The following SEMA5B variants were observed in gnomAD, a reference collection of about 807,000 sequenced individuals.
SEMA5B encodes semaphorin 5B.
Under a neutral mutation model 135.0 loss-of-function variants are expected in SEMA5B, and 66 were observed. The observed-to-expected ratio is 0.49, with a 90% CI of 0.40 to 0.60. The LOEUF (loss-of-function observed/expected upper bound fraction) is 0.60, where lower values mean the gene tolerates loss of function less well. Among genes scored for constraint, SEMA5B ranks in the 20% least tolerant of loss-of-function variants. The pLI is 0.00. For missense variants in SEMA5B, 1,501 were observed against 1,566.3 expected (o/e 0.96, Z 0.70); for synonymous variants, 690 against 639.5 (o/e 1.08, Z -1.19).
chr3:122,950,612 C>T (rs1476664411), intron 2 of SEMA5B, among the ~76,000 whole-genome samples: 1 of 152,176 alleles, frequency 6.6e-6, no homozygotes, highest in African/African-American at 2.4e-5. Context: ...TTGTATGTTG[C>T]ATGTTTTATT....
chr3:122,939,550 T>C (rs1416510500), intron 4 of SEMA5B, 80 bp from the exon 5 acceptor site: 1 of 1,098,040 alleles, frequency 9.1e-7, no homozygotes, highest in Admixed American at 1.7e-5. Context: ...GGCTTGGGCC[T>C]CCTGGGACGC....
At chr3:122,961,869 C>T (rs1482146937) in intron 1 of SEMA5B, among the ~76,000 whole-genome samples, 1 of 152,174 alleles carries the variant, frequency 6.6e-6, no homozygotes, top group African/African-American at 2.4e-5. Context: ...AGCAGGACTG[C>T]ATTCCTCAAT....
chr3:122,953,399 G>A (rs367586826), intron 2 of SEMA5B, among the ~76,000 whole-genome samples: 1 of 152,120 alleles, frequency 6.6e-6, no homozygotes, highest in Non-Finnish European at 1.5e-5. Context: ...CAGGCCTTAA[G>A]GTACCTAAGT....
chr3:122,939,570 G>T (rs3732827), intron 4 of SEMA5B, 100 bp from the exon 5 acceptor site: 110,113 of 855,844 alleles, frequency 0.13, 9,476 homozygotes, highest in East Asian at 0.38. Context: ...CCAGGACTGG[G>T]TGCTGATTGC....
chr3:122,923,817 CCACAGCCAGCTGT>C, intron 9 of SEMA5B, 65 bp from the exon 10 acceptor site: 1 of 1,580,390 alleles, frequency 6.3e-7, no homozygotes, highest in Non-Finnish European at 8.7e-7. Context: ...CTCATAAACC[CCACAGCCAGCTGT>C]CATGTCCAAT....
chr3:122,980,665 AT>A (rs1336198427), intron 1 of SEMA5B, among the ~76,000 whole-genome samples: 3 of 152,340 alleles, frequency 2.0e-5, no homozygotes. Flanking sequence ...TGAAGTATCC[AT>A]AACACAAAAT....
rs200086315 is a variant in SEMA5B at position 122,948,539 on chromosome 3, C to T, written c.295G>A (p.Ala99Thr). ...GCCACGGTGGGGTGCTTGCTAAGGGCGCACAGCTGCTGCTCACTGCTGGGC... is the reference window on the plus strand; with the variant it reads ...GCCACGGTGGGGTGCTTGCTAAGGGTGCACAGCTGCTGCTCACTGCTGGGC... ...SEPSSEQQLCALSKHPTVAFE... is the reference protein window; with the variant it reads ...SEPSSEQQLCTLSKHPTVAFE... The change falls in exon 3 of 23, where the codon GCC becomes ACC. Residue 99 changes from alanine to threonine, a missense_variant. Transcript: ENST00000357599. The T allele has an allele frequency of 9.5e-5, 153 of 1,610,062 alleles. No homozygotes were observed. Among genetic ancestry groups the T allele is most frequent in the Admixed American group, 2.0e-4 (12 of 59,916 alleles).
chr3:122,952,995 C>CT (rs1940126178), intron 2 of SEMA5B, among the ~76,000 whole-genome samples: 1 of 152,210 alleles, frequency 6.6e-6, no homozygotes, highest in Non-Finnish European at 1.5e-5. Context: ...AACCCCCTTC[C>CT]TACACCTTTG....
intron 1 of SEMA5B, among the ~76,000 whole-genome samples, chr3:122,999,336 C>T (rs1298407170): frequency 6.6e-6 from 1 of 152,130 alleles, no homozygotes; most frequent in Non-Finnish European, 1.5e-5. Context: ...AAGCGATTCT[C>T]GTTACTCAGC....
At chr3:122,960,006 C>T (rs1940504309) in intron 2 of SEMA5B, among the ~76,000 whole-genome samples, 1 of 152,196 alleles carries the variant, frequency 6.6e-6, no homozygotes, top group Admixed American at 6.5e-5. Context: ...AGAGTAGCCT[C>T]CTTTTCCTCC....
At position 122,926,482 on chromosome 3, in the gene SEMA5B, G is replaced by T; in HGVS notation, c.1046C>A (p.Pro349Gln). ...GTTATAGTAGAAGGGGACCTCGCCC[G>T]GGCGGGAGCAGTTGAGCCGGGCCTT... is the stretch of plus-strand genomic sequence containing the variant. ...FMKARLNCSR[P>Q]GEVPFYYNEL... is the part of the protein sequence containing the mutation. The change falls in exon 9 of 23, where the codon CCG (proline) becomes CAG (glutamine). Residue 349 changes from proline to glutamine, a missense_variant. Pro to Gln is a moderately conservative substitution (Grantham distance 76). Transcript: ENST00000357599. 4 of 1,614,220 alleles carry T rather than the reference G, an allele frequency of 2.5e-6. No individual in the cohort carries two copies. The highest frequency in any genetic ancestry group is 3.4e-6 in the Non-Finnish European group (4 of 1,180,036).
upstream of SEMA5B, chr3:123,027,801 G>A (rs1196790233): frequency 7.2e-5 from 11 of 152,508 alleles, no homozygotes; most frequent in East Asian, 1.9e-3. Context: ...AGGGGGCGGT[G>A]GGGGAGGAGT....
intron 1 of SEMA5B, among the ~76,000 whole-genome samples, chr3:123,020,767 T>G (rs1942656685): frequency 6.6e-6 from 1 of 152,214 alleles, no homozygotes; most frequent in East Asian, 1.9e-4. Flanking sequence ...AGTCTGTATT[T>G]TTTAAAGCTC....
At chr3:123,004,107 A>C (rs1343439509) in intron 1 of SEMA5B, among the ~76,000 whole-genome samples, 1 of 152,226 alleles carries the variant, frequency 6.6e-6, no homozygotes, top group Non-Finnish European at 1.5e-5. Flanking sequence ...TGTCAAGGCC[A>C]TCCCCTTAGG....
chr3:122,960,354 A>G (rs896531727), intron 2 of SEMA5B, among the ~76,000 whole-genome samples: 1 of 152,234 alleles, frequency 6.6e-6, no homozygotes, highest in Non-Finnish European at 1.5e-5. Flanking sequence ...ATACTTGAAA[A>G]TAGTTAAAAT....
chr3:123,003,775 A>G (rs1249216784), intron 1 of SEMA5B, among the ~76,000 whole-genome samples: 2 of 152,170 alleles, frequency 1.3e-5, no homozygotes, highest in Admixed American at 6.5e-5. Flanking sequence ...CGGAGATTGC[A>G]GTGAGCTGAG....
intron 14 of SEMA5B, 34 bp from the exon 15 acceptor site, chr3:122,914,035 C>T: frequency 6.5e-7 from 1 of 1,531,906 alleles, no homozygotes; most frequent in Non-Finnish European, 8.8e-7. Flanking sequence ...GACAGATGCC[C>T]CTCTGAGCCC....
intron 5 of SEMA5B, among the ~76,000 whole-genome samples, chr3:122,934,159 G>A (rs1302272904): frequency 1.3e-5 from 2 of 151,088 alleles, no homozygotes; most frequent in Admixed American, 6.6e-5. Flanking sequence ...CACCCGCCTC[G>A]GCCTCCCAAA....
intron 5 of SEMA5B, among the ~76,000 whole-genome samples, chr3:122,931,331 C>T (rs531318418): frequency 2.0e-5 from 3 of 152,074 alleles, no homozygotes; most frequent in Non-Finnish European, 4.4e-5. Context: ...CCAAAGCACA[C>T]GTAACATTTC....
Sources: allele counts gnomAD v4.1 joint callset (sites outside exome capture counted in the v4.1 genomes callset), GRCh38; gene constraint gnomAD v4.1.1; transcripts MANE v1.5; gene names NCBI Gene and HGNC (gene_info 2026-07-23, HGNC 2026-07-21).